DAB1: variants seen among roughly 807,000 people sequenced by gnomAD.
The protein encoded by DAB1 is disabled homolog 1.
In DAB1, 15 loss-of-function variants were observed where a neutral mutation model predicts 64.6. That is an observed-to-expected ratio of 0.23 (90% CI 0.16 to 0.36). The LOEUF is 0.36. DAB1 is among the 10% of genes least tolerant of loss of function. The pLI is 1.00. For missense variants in DAB1, 596 were observed against 706.7 expected, an observed-to-expected ratio of 0.84 and a Z score of 1.78; for synonymous variants, 235 against 251.9, an observed-to-expected ratio of 0.93 and a Z score of 0.64.
At chr1:57,556,253 C>T (rs1644986835) in intron 7 of DAB1, among the ~76,000 whole-genome samples, 1 of 152,060 alleles carries the variant, frequency 6.6e-6, no homozygotes, top group Admixed American at 6.5e-5. Context: ...GTAGAAGTAT[C>T]TTTTTCGTAT....
At chr1:57,266,258 A>G (rs1485793956) in intron 2 of DAB1, among the ~76,000 whole-genome samples, 3 of 152,224 alleles carry the variant, frequency 2.0e-5, no homozygotes, top group African/African-American at 4.8e-5. Flanking sequence ...AGGATTAATA[A>G]TATTTTCCCT....
At chr1:58,242,099 TG>T in intron 4 of DAB1, among the ~76,000 whole-genome samples, 1 of 152,098 alleles carries the variant, frequency 6.6e-6, no homozygotes, top group Non-Finnish European at 1.5e-5. Flanking sequence ...GAAAAATCCA[TG>T]GTATACTTGT....
At chr1:57,036,715 C>T (rs946735467) in intron 9 of DAB1, among the ~76,000 whole-genome samples, 1 of 152,036 alleles carries the variant, frequency 6.6e-6, no homozygotes, top group Non-Finnish European at 1.5e-5. Context: ...CAAATTTACT[C>T]GCAACTTAAG....
downstream of DAB1, among the ~76,000 whole-genome samples, chr1:57,824,385 T>C (rs1429490283): frequency 1.3e-5 from 2 of 152,166 alleles, no homozygotes; most frequent in Non-Finnish European, 2.9e-5. Context: ...GTTCTTGGGA[T>C]ATGAACGATG....
intron 4 of DAB1, among the ~76,000 whole-genome samples, chr1:58,267,680 C>T (rs184869077): frequency 6.6e-6 from 1 of 152,270 alleles, no homozygotes; most frequent in African/African-American, 2.4e-5. Flanking sequence ...GAGCGAACAT[C>T]AGTATATGTC....
rs191399821 is a variant in DAB1 at position 58,023,535 on chromosome 1, T to C, written n.387+126976A>G. On this transcript the variant is annotated intron_variant and non_coding_transcript_variant, in intron 5 of 20. Coordinates refer to the DAB1 transcript ENST00000485760. ...CAGAGTTGGGAACCACTGTATAAAATGGTGAGGTACTAGAAGGCAAGAACT... is the reference window on the plus strand; with the variant it reads ...CAGAGTTGGGAACCACTGTATAAAACGGTGAGGTACTAGAAGGCAAGAACT... 1.4e-3 allele frequency among the ~76,000 whole-genome samples: 217 copies of C among 152,290 alleles called. 2 individuals carry two copies. Among genetic ancestry groups the C allele is most frequent in the Admixed American group, 0.011 (169 of 15,278 alleles).
At chr1:58,130,438 G>C (rs1188177119) in intron 5 of DAB1, among the ~76,000 whole-genome samples, 1 of 151,854 alleles carries the variant, frequency 6.6e-6, no homozygotes, top group Non-Finnish European at 1.5e-5. Flanking sequence ...CTTTTAATTG[G>C]AGAATTTAGT....
chr1:58,010,422 C>T (rs577798043), intron 5 of DAB1, among the ~76,000 whole-genome samples: 4 of 152,246 alleles, frequency 2.6e-5, no homozygotes, highest in South Asian at 2.1e-4. Flanking sequence ...TTCTTCAAAG[C>T]GCCACACATG....
chr1:57,355,132 G>C (rs372010861), intron 1 of DAB1, among the ~76,000 whole-genome samples: 75 of 151,832 alleles, frequency 4.9e-4, no homozygotes, highest in African/African-American at 1.8e-3. Context: ...ATACAATCTT[G>C]GTCAAAAACC....
In DAB1 at chr1:57,142,753, T is replaced by C. The variant is rs553293956; in HGVS notation, c.207+2537A>G. Among the ~76,000 whole-genome samples the C allele has an allele frequency of 6.6e-5, 10 of 152,232 alleles. No individual in the cohort carries two copies. In the South Asian group the frequency reaches 2.1e-3, roughly 32 times the overall value. On this transcript the variant is annotated intron_variant, in intron 3 of 14. Coordinates refer to ENST00000371236, the MANE Select transcript of DAB1 (RefSeq NM_001365792.1). ...GGCCAAATCCTTTTAGTCCTCAGTG[T>C]TTCCAAGAAGGCAGCTGGCCATTGA...
At chr1:58,539,088 A>G in intron 1 of DAB1, 1 of 872,968 alleles carries the variant, frequency 1.1e-6, no homozygotes, top group Non-Finnish European at 2.0e-6. Context: ...TACTATAAAA[A>G]TGAAAGTTTC....
At chr1:58,181,062 T>A (rs947437977) in intron 4 of DAB1, among the ~76,000 whole-genome samples, 2 of 152,142 alleles carry the variant, frequency 1.3e-5, no homozygotes, top group Non-Finnish European at 2.9e-5. Flanking sequence ...TTATTAAGAG[T>A]ATGATATTGA....
intron 2 of DAB1, among the ~76,000 whole-genome samples, chr1:57,279,378 T>A (rs945233736): frequency 2.0e-5 from 3 of 152,238 alleles, no homozygotes; most frequent in African/African-American, 7.2e-5. Flanking sequence ...AAATTTGTAT[T>A]ATTTTTTAAT....
At chr1:58,495,793 C>T (rs970506520) in intron 3 of DAB1, among the ~76,000 whole-genome samples, 5 of 152,018 alleles carry the variant, frequency 3.3e-5, no homozygotes, top group African/African-American at 1.2e-4. Context: ...AAAACTCTTA[C>T]ACTTCCTCCA....
chr1:57,312,578 T>C (rs1027623672), intron 1 of DAB1, among the ~76,000 whole-genome samples: 2 of 152,206 alleles, frequency 1.3e-5, no homozygotes, highest in Non-Finnish European at 2.9e-5. Context: ...TGAAATGCCA[T>C]AGGGAACATC....
chr1:58,175,610 T>G (rs1056507472), intron 4 of DAB1, among the ~76,000 whole-genome samples: 5 of 152,370 alleles, frequency 3.3e-5, no homozygotes, highest in South Asian at 4.1e-4. Flanking sequence ...AACCATATTT[T>G]CTTCAGTAAA....
At chr1:58,020,610 C>A (rs1315945566) in intron 5 of DAB1, among the ~76,000 whole-genome samples, 1 of 152,150 alleles carries the variant, frequency 6.6e-6, no homozygotes, top group Non-Finnish European at 1.5e-5. Flanking sequence ...ATAGCAGGTT[C>A]TGTAAAAAAA....
At chr1:57,761,933 A>T (rs1569603269) in intron 6 of DAB1, among the ~76,000 whole-genome samples, 2 of 152,158 alleles carry the variant, frequency 1.3e-5, no homozygotes, top group East Asian at 1.9e-4. Context: ...TCAGCAAAAA[A>T]TGCCGAAGGG....
intron 6 of DAB1, among the ~76,000 whole-genome samples, chr1:57,730,655 A>G (rs1647370088): frequency 6.6e-6 from 1 of 152,214 alleles, no homozygotes; most frequent in African/African-American, 2.4e-5. Flanking sequence ...TACTTCTCAC[A>G]TGAGGCATTG....
Sources: allele counts gnomAD v4.1 joint callset (sites outside exome capture counted in the v4.1 genomes callset), GRCh38; gene constraint gnomAD v4.1.1; transcripts MANE v1.5; gene names NCBI Gene and HGNC (gene_info 2026-07-23, HGNC 2026-07-21).